Variants in CDH12 observed in about 807,000 individuals in gnomAD.
CDH12 encodes cadherin 12, also known as cadherin-12.
A neutral mutation model predicts 74.1 loss-of-function variants in CDH12; 41 were observed. That is an observed-to-expected ratio of 0.55 (90% CI 0.43 to 0.72). The LOEUF is 0.72. Ranked by LOEUF, CDH12 falls within the 30% of genes least tolerant of loss-of-function variation. CDH12 has a pLI of 0.00. For synonymous variants in CDH12, 399 were observed against 355.0 expected, an observed-to-expected ratio of 1.12 and a Z score of -1.39; for missense variants, 945 against 977.2, an observed-to-expected ratio of 0.97 and a Z score of 0.44.
intron 5 of CDH12, among the ~76,000 whole-genome samples, chr5:22,000,028 T>C (rs1736513308): frequency 3.3e-5 from 5 of 152,056 alleles, no homozygotes; most frequent in Admixed American, 3.3e-4. Context: ...CTTTTTCCCA[T>C]GGTTGTTTGA....
intron 3 of CDH12, among the ~76,000 whole-genome samples, chr5:22,402,188 T>A (rs1742756817): frequency 6.6e-6 from 1 of 152,096 alleles, no homozygotes; most frequent in Admixed American, 6.6e-5. Context: ...TGGACAGAAG[T>A]TGGTAGAATG....
chr5:21,833,053 A>G lies in CDH12; in HGVS notation c.814+9108T>C, dbSNP rs1285982476. Among the ~76,000 whole-genome samples, 4 of 85,380 alleles carry G rather than the reference A, an allele frequency of 4.7e-5. No individual in the cohort carries two copies. In the East Asian group the frequency reaches 1.4e-3, roughly 29 times the overall value. The allele number at this position is 85,380 out of a possible 152,430, so 56.0% of individuals were successfully genotyped here. ...TAATATATAATATATAATATATATT[A>G]TATGTTATATAACATATAATATATA... On this transcript the variant is annotated intron_variant, in intron 8 of 14. Transcript: ENST00000382254.
chr5:21,823,458 T>G (rs1748481863), intron 8 of CDH12, among the ~76,000 whole-genome samples: 1 of 152,164 alleles, frequency 6.6e-6, no homozygotes, highest in African/African-American at 2.4e-5. Flanking sequence ...CATGTACTTT[T>G]GTTGCTGCAA....
At chr5:22,491,626 A>C in intron 2 of CDH12, among the ~76,000 whole-genome samples, 1 of 150,508 alleles carries the variant, frequency 6.6e-6, no homozygotes, top group East Asian at 1.9e-4. Context: ...AAAAAACAAA[A>C]AAAAAAACAA....
chr5:22,830,579 TC>T (rs1432561187), intron 1 of CDH12, among the ~76,000 whole-genome samples: 3 of 151,880 alleles, frequency 2.0e-5, no homozygotes, highest in African/African-American at 7.2e-5. Context: ...TTACGTGCTC[TC>T]CTTTTTATAT....
chr5:22,287,722 C>CAA lies in CDH12; in HGVS notation c.-332-75081_-332-75080dup, dbSNP rs35636015. 6.6e-3 allele frequency among the ~76,000 whole-genome samples: 831 copies of CAA among 126,806 alleles called. 10 individuals carry two copies. Among genetic ancestry groups the CAA allele is most frequent in the African/African-American group, 0.023 (796 of 34,038 alleles). 83.2% of individuals were successfully genotyped at this position (126,806 alleles called of 152,430 possible). A position where few individuals can be genotyped will look rare whatever the true frequency, so the allele number is the denominator to read the frequency against. ...TGGGCTAAAAAGCGGGACTCCGTCT[C>CAA]AAAAAAAAAAAAAAAAAAATGTATA... On this transcript the variant is annotated intron_variant, in intron 3 of 14. Transcript: ENST00000382254.
chr5:22,814,511 C>T (rs935488381), intron 1 of CDH12, among the ~76,000 whole-genome samples: 2 of 151,980 alleles, frequency 1.3e-5, no homozygotes, highest in Admixed American at 1.3e-4. Context: ...AAATGCCACG[C>T]ACATGTCCTA....
chr5:22,138,354 A>G (rs1746576989), intron 4 of CDH12, among the ~76,000 whole-genome samples: 1 of 151,674 alleles, frequency 6.6e-6, no homozygotes, highest in Non-Finnish European at 1.5e-5. Context: ...TTTTTATAAT[A>G]TAAAATTTAG....
chr5:21,907,604 C>CTCTA (rs1185802198), intron 6 of CDH12, among the ~76,000 whole-genome samples: 2 of 152,182 alleles, frequency 1.3e-5, no homozygotes, highest in Admixed American at 1.3e-4. Context: ...CCTGTCCCAG[C>CTCTA]TCTACCCCGG....
intron 2 of CDH12, among the ~76,000 whole-genome samples, chr5:22,418,756 C>T (rs1010667702): frequency 1.6e-4 from 24 of 152,034 alleles, no homozygotes; most frequent in African/African-American, 5.8e-4. Context: ...TGGTGGCAGG[C>T]TCCTGTAATC....
chr5:22,391,836 T>A (rs1742261725), intron 3 of CDH12, among the ~76,000 whole-genome samples: 2 of 152,150 alleles, frequency 1.3e-5, no homozygotes, highest in South Asian at 4.1e-4. Context: ...CCATATTTTA[T>A]AGACTTTAAA....
At chr5:22,746,087 A>T (rs1423422884) in intron 1 of CDH12, among the ~76,000 whole-genome samples, 1 of 147,446 alleles carries the variant, frequency 6.8e-6, no homozygotes, top group East Asian at 1.9e-4. Context: ...TGTCAATTGA[A>T]AAAAATATTT....
intron 1 of CDH12, among the ~76,000 whole-genome samples, chr5:22,803,671 T>C (rs956713709): frequency 1.3e-5 from 2 of 152,182 alleles, no homozygotes; most frequent in African/African-American, 2.4e-5. Context: ...TACTTCACCT[T>C]GGCCGCACTT....
Position 22,512,842 on chromosome 5 carries a change from C to T in CDH12, c.-522-7478G>A, listed in dbSNP as rs1013733797. ...CTTTGGGAGGCCTAGTCGGGTGGAT[C>T]ATCTGAGTTCGGAGTTCAAGACTAG... is the stretch of plus-strand genomic sequence containing the variant. On this transcript the variant is annotated intron_variant, in intron 1 of 14. Coordinates refer to ENST00000382254, the MANE Select transcript of CDH12 (RefSeq NM_004061.5). Among the ~76,000 whole-genome samples the T allele has an allele frequency of 2.6e-5, 4 of 152,070 alleles. No individual in the cohort carries two copies. In the South Asian group the frequency reaches 8.3e-4, roughly 32 times the overall value.
At chr5:22,828,452 T>A in intron 1 of CDH12, among the ~76,000 whole-genome samples, 1 of 152,188 alleles carries the variant, frequency 6.6e-6, no homozygotes, top group East Asian at 1.9e-4. Flanking sequence ...TAAATGCTAA[T>A]CTACATATCC....
intron 10 of CDH12, among the ~76,000 whole-genome samples, chr5:21,796,288 G>A (rs1010780424): frequency 1.3e-4 from 19 of 151,914 alleles, no homozygotes; most frequent in East Asian, 3.9e-4. Flanking sequence ...AGCAACTTAC[G>A]TTAGCCTACA....
chr5:22,148,331 A>C (rs1201862314), intron 4 of CDH12, among the ~76,000 whole-genome samples: 2 of 151,942 alleles, frequency 1.3e-5, no homozygotes, highest in Non-Finnish European at 2.9e-5. Flanking sequence ...TAATCTTCAC[A>C]GTTTTCTGAG....
intron 4 of CDH12, among the ~76,000 whole-genome samples, chr5:22,084,313 T>C (rs1353688969): frequency 6.6e-6 from 1 of 152,150 alleles, no homozygotes; most frequent in East Asian, 1.9e-4. Context: ...ACCTGACAAT[T>C]CTACATTTGA....
chr5:22,066,833 C>T (rs1405497745), intron 5 of CDH12, among the ~76,000 whole-genome samples: 2 of 152,186 alleles, frequency 1.3e-5, no homozygotes, highest in African/African-American at 4.8e-5. Flanking sequence ...CTGTAACTAA[C>T]ACAGATGGAT....
Sources: gnomAD v4.1 joint callset for allele counts (sites outside exome capture counted in the v4.1 genomes callset) on GRCh38, gnomAD v4.1.1 for gene constraint, MANE v1.5 for transcripts, NCBI Gene and HGNC (gene_info 2026-07-23, HGNC 2026-07-21) for gene names.